RBMS3: variants seen among roughly 807,000 people sequenced by gnomAD.
The protein encoded by RBMS3 is RNA-binding motif, single-stranded-interacting protein 3.
RBMS3 carries 27 observed loss-of-function variants against 66.8 expected under a neutral mutation model. The observed-to-expected ratio is 0.40, with a 90% CI of 0.30 to 0.56. The LOEUF (loss-of-function observed/expected upper bound fraction) is 0.56, where lower values mean the gene tolerates loss of function less well. Among genes scored for constraint, RBMS3 ranks in the 20% least tolerant of loss-of-function variants. The pLI is 0.40. For missense variants in RBMS3, 513 were observed against 549.5 expected (o/e 0.93, Z 0.66); for synonymous variants, 188 against 183.0 (o/e 1.03, Z -0.22).
At chr3:29,379,854 T>G (rs1003857575) in intron 1 of RBMS3, among the ~76,000 whole-genome samples, 18 of 152,182 alleles carry the variant, frequency 1.2e-4, no homozygotes, top group Admixed American at 1.2e-3. Flanking sequence ...TAATAAATCA[T>G]TTCAGTCTGT....
At chr3:29,488,589 C>T in intron 3 of RBMS3, 90 bp downstream of exon 3, 1 of 1,115,248 alleles carries the variant, frequency 9.0e-7, no homozygotes, top group Non-Finnish European at 1.3e-6. Flanking sequence ...ACCAGCTGCA[C>T]AATGATCACA....
intron 12 of RBMS3, among the ~76,000 whole-genome samples, chr3:29,951,127 C>T (rs1695656554): frequency 6.6e-6 from 1 of 151,760 alleles, no homozygotes; most frequent in African/African-American, 2.4e-5. Flanking sequence ...TCCACAAATT[C>T]AACTTGGAAG....
chr3:29,579,799 G>A (rs546180010), intron 3 of RBMS3, among the ~76,000 whole-genome samples: 2 of 152,272 alleles, frequency 1.3e-5, no homozygotes, highest in East Asian at 1.9e-4. Context: ...TGCCAAGTAC[G>A]CTGCTCCTTA....
chr3:29,522,483 T>A (rs369414983), intron 3 of RBMS3, among the ~76,000 whole-genome samples: 88 of 152,166 alleles, frequency 5.8e-4, no homozygotes, highest in African/African-American at 2.1e-3. Context: ...CATGAGCCAC[T>A]GCACCAGGCT....
chr3:29,563,536 A>G (rs1209062589), intron 3 of RBMS3, among the ~76,000 whole-genome samples: 2 of 152,192 alleles, frequency 1.3e-5, no homozygotes, highest in Admixed American at 6.5e-5. Context: ...TTTATCATCA[A>G]AAAAGGAGCC....
At chr3:29,593,682 G>A (rs1185438628) in intron 4 of RBMS3, among the ~76,000 whole-genome samples, 1 of 147,132 alleles carries the variant, frequency 6.8e-6, no homozygotes, top group Non-Finnish European at 1.5e-5. Context: ...TTTCCCCCAT[G>A]GGGACAAGGG....
intron 1 of RBMS3, among the ~76,000 whole-genome samples, chr3:29,367,593 C>A (rs2037979701): frequency 6.6e-6 from 1 of 152,010 alleles, no homozygotes; most frequent in African/African-American, 2.4e-5. Context: ...AAGCATAATA[C>A]TCAAAGAATG....
chr3:29,305,470 C>G (rs1324129842), intron 1 of RBMS3, among the ~76,000 whole-genome samples: 2 of 151,864 alleles, frequency 1.3e-5, no homozygotes, highest in Non-Finnish European at 2.9e-5. Flanking sequence ...ACCAGCTGCC[C>G]CTCAGGTTTA....
chr3:29,853,881 G>A (rs956380027), intron 6 of RBMS3, among the ~76,000 whole-genome samples: 2 of 152,144 alleles, frequency 1.3e-5, no homozygotes, highest in South Asian at 2.1e-4. Flanking sequence ...GCTAGTTCCT[G>A]CCAGGGAGAC....
At chr3:29,557,504 G>A (rs1206429469) in intron 3 of RBMS3, among the ~76,000 whole-genome samples, 1 of 152,202 alleles carries the variant, frequency 6.6e-6, no homozygotes, top group African/African-American at 2.4e-5. Context: ...AGGAGACTTA[G>A]TAGGAGCATT....
chr3:29,406,590 C>A (rs72852380), intron 1 of RBMS3, among the ~76,000 whole-genome samples: 8,130 of 152,208 alleles, frequency 0.053, 356 homozygotes, highest in East Asian at 0.18. Flanking sequence ...TTTGCCTTGT[C>A]ATTCAATATT....
At chr3:29,912,199 A>G (rs1217597209) in intron 10 of RBMS3, among the ~76,000 whole-genome samples, 1 of 152,058 alleles carries the variant, frequency 6.6e-6, no homozygotes, top group East Asian at 1.9e-4. Flanking sequence ...TTTATTCCAT[A>G]TAGTTCGCAA....
chr3:29,866,521 A>G (rs1038077763), intron 6 of RBMS3, among the ~76,000 whole-genome samples: 1 of 152,234 alleles, frequency 6.6e-6, no homozygotes, highest in Non-Finnish European at 1.5e-5. Flanking sequence ...ATATGTCAGC[A>G]TGACCATCCC....
chr3:29,527,852 TCTC>T (rs1395334470), intron 3 of RBMS3, among the ~76,000 whole-genome samples: 1 of 148,546 alleles, frequency 6.7e-6, no homozygotes, highest in Non-Finnish European at 1.5e-5. Context: ...GTCCAAGTGT[TCTC>T]ATTGTTCACA....
At chr3:29,791,428 A>T (rs954488182) in intron 6 of RBMS3, among the ~76,000 whole-genome samples, 14 of 152,218 alleles carry the variant, frequency 9.2e-5, no homozygotes, top group Non-Finnish European at 1.5e-5. Context: ...CAAAAGCAAC[A>T]AATGATAAAA....
At chr3:29,566,122 G>C (rs958181253) in intron 3 of RBMS3, among the ~76,000 whole-genome samples, 1 of 152,176 alleles carries the variant, frequency 6.6e-6, no homozygotes, top group Non-Finnish European at 1.5e-5. Context: ...GCCAGAATGT[G>C]TGGTAAGATG....
chr3:29,423,682 C>T (rs1277269457), intron 1 of RBMS3, among the ~76,000 whole-genome samples: 3 of 152,186 alleles, frequency 2.0e-5, no homozygotes, highest in Admixed American at 6.5e-5. Flanking sequence ...CTGTCAGATA[C>T]AGCAGTCAGT....
chr3:29,432,608 A>G (rs1420039448), intron 1 of RBMS3, among the ~76,000 whole-genome samples: 1 of 152,180 alleles, frequency 6.6e-6, no homozygotes, highest in Non-Finnish European at 1.5e-5. Flanking sequence ...GCACTAGGCT[A>G]CATACATGAC....
chr3:29,695,733 T>A (rs2052242018), intron 4 of RBMS3, among the ~76,000 whole-genome samples: 1 of 152,198 alleles, frequency 6.6e-6, no homozygotes, highest in East Asian at 1.9e-4. Flanking sequence ...TTTTGATTGT[T>A]AGGAAATCGT....
Sources: gnomAD v4.1 joint callset for allele counts (sites outside exome capture counted in the v4.1 genomes callset) on GRCh38, gnomAD v4.1.1 for gene constraint, MANE v1.5 for transcripts, NCBI Gene and HGNC (gene_info 2026-07-23, HGNC 2026-07-21) for gene names.